The following KNL1 variants were observed in gnomAD, a reference collection of about 807,000 sequenced individuals.
KNL1 encodes the protein outer kinetochore KNL1 complex subunit KNL1.
A neutral mutation model predicts 201.3 loss-of-function variants in KNL1; 66 were observed. That is an observed-to-expected ratio of 0.33 (90% CI 0.27 to 0.40). The LOEUF (loss-of-function observed/expected upper bound fraction) is 0.40, where lower values mean the gene tolerates loss of function less well. Ranked by LOEUF, KNL1 falls within the 10% of genes least tolerant of loss-of-function variation. The probability of loss-of-function intolerance (pLI) is 1.00; values close to 1 mark genes in which losing one functional copy is unlikely to be tolerated. For synonymous variants in KNL1, 895 were observed against 899.2 expected (o/e 1.00, Z 0.08); for missense variants, 2,815 against 2,690.5 (o/e 1.05, Z -1.02).
At chr15:40,636,112 A>T (rs1482216814) in intron 13 of KNL1, among the ~76,000 whole-genome samples, 1 of 152,220 alleles carries the variant, frequency 6.6e-6, no homozygotes, top group Non-Finnish European at 1.5e-5. Context: ...TGCTGGGATT[A>T]CAGGCGTGAG....
intron 14 of KNL1, among the ~76,000 whole-genome samples, chr15:40,641,766 A>G (rs912713378): frequency 1.3e-5 from 2 of 152,248 alleles, no homozygotes; most frequent in Admixed American, 6.5e-5. Context: ...GATAAGGGAT[A>G]CTCAATCTAT....
At chr15:40,651,359 C>T (rs1893557377) in intron 19 of KNL1, 112 bp from the exon 20 acceptor site, 1 of 477,982 alleles carries the variant, frequency 2.1e-6, no homozygotes, top group African/African-American at 2.0e-5. Flanking sequence ...AACATTATTA[C>T]CTCAATGGGG....
chr15:40,635,798 A>G (rs569925820), intron 13 of KNL1, among the ~76,000 whole-genome samples: 3 of 152,184 alleles, frequency 2.0e-5, no homozygotes, highest in Non-Finnish European at 4.4e-5. Flanking sequence ...GACCCCCTGC[A>G]TGCTCATGTA....
At position 40,646,714 on chromosome 15, in the gene KNL1, A is replaced by T. The variant is rs142385704; in HGVS notation, c.6007-273A>T. On this transcript the variant is annotated intron_variant, in intron 16 of 25. Transcript: ENST00000399668. ...CTACTAAAAATACAAAAAATTAGCCAGGCATGGTGGCAGGCACCTGTAGTC... is the reference window on the plus strand; with the variant it reads ...CTACTAAAAATACAAAAAATTAGCCTGGCATGGTGGCAGGCACCTGTAGTC... The T allele has an allele frequency of 7.5e-3, 1,478 of 196,776 alleles. 17 individuals carry two copies. Among genetic ancestry groups the T allele is most frequent in the African/African-American group, 0.033 (1,390 of 42,312 alleles). 12.2% of individuals were successfully genotyped at this position (196,776 alleles called of 1,614,324 possible). A position where few individuals can be genotyped will look rare whatever the true frequency, so the allele number is the denominator to read the frequency against.
chr15:40,625,435 A>G lies in KNL1; in HGVS notation c.5171A>G (p.Asn1724Ser), dbSNP rs377723617. Residue 1724 changes from asparagine to serine, a missense_variant, in exon 10 of 26, where the codon AAT (asparagine) becomes AGT (serine). Coordinates refer to ENST00000399668, the MANE Select transcript of KNL1 (RefSeq NM_144508.5). ...CTTCCTGTATATCCTGATGAGATCA[A>G]TTCTTCAGACTCTATTAACATAGAA... ...ENLPVYPDEI[N>S]SSDSINIETE... The G allele has an allele frequency of 2.5e-6, 4 of 1,613,972 alleles. No homozygotes were observed. The highest frequency in any genetic ancestry group is 1.3e-5 in the African/African-American group (1 of 75,044).
intron 7 of KNL1, among the ~76,000 whole-genome samples, chr15:40,613,400 C>T (rs1040019483): frequency 1.3e-5 from 2 of 151,994 alleles, no homozygotes; most frequent in East Asian, 1.9e-4. Flanking sequence ...TACATGTTGG[C>T]TTTGTGGTTT....
chr15:40,637,855 C>T (rs1359991230), intron 13 of KNL1, among the ~76,000 whole-genome samples: 2 of 151,228 alleles, frequency 1.3e-5, no homozygotes, highest in Non-Finnish European at 2.9e-5. Context: ...TATGTATATG[C>T]AAATATTCCA....
chr15:40,646,763 A>C (rs929944689), intron 16 of KNL1: 2 of 282,530 alleles, frequency 7.1e-6, no homozygotes, highest in Non-Finnish European at 1.3e-5. Flanking sequence ...AGGCTGAGGC[A>C]GGAGAATGGC....
chr15:40,595,280 C>T (rs560349739), intron 1 of KNL1, among the ~76,000 whole-genome samples: 12 of 152,220 alleles, frequency 7.9e-5, no homozygotes, highest in Admixed American at 7.9e-4. Context: ...ACACAAATAA[C>T]TAGAATACAA....
In KNL1 at chr15:40,619,025, CA is replaced by C. The variant is rs1474319436; in HGVS notation, c.375+17del. The C allele has an allele frequency of 1.3e-6, 2 of 1,502,372 alleles. No individual in the cohort carries two copies. The highest frequency in any genetic ancestry group is 1.9e-6 in the Non-Finnish European group (2 of 1,079,966). The allele number at this position is 1,502,372 out of a possible 1,614,324, so 93.1% of individuals were successfully genotyped here. ...CAACAGAAGGAGGTATGAGTTCATG[CA>C]AATACCTTCATATTGTAATGTCATT... On this transcript the variant is annotated intron_variant, in intron 9 of 25. Transcript: ENST00000399668.
At position 40,621,977 on chromosome 15, in the gene KNL1, T is replaced by TACGG; in HGVS notation, c.1714_1715insCGGA (p.Met572ThrfsTer6). On this transcript the variant is annotated frameshift_variant, in exon 10 of 26. Coordinates refer to ENST00000399668, the MANE Select transcript of KNL1 (RefSeq NM_144508.5). LOFTEE classifies it high-confidence loss of function. ...AGACTGAACTCTTATCAGGTGAAAA[T>TACGG]ATGGATTTGACTGAAAGTCACACAA... 1 of 1,614,034 alleles carries TACGG rather than the reference T, an allele frequency of 6.2e-7. No individual in the cohort carries two copies. Among genetic ancestry groups the TACGG allele is most frequent in the African/African-American group, 1.3e-5 (1 of 75,046 alleles).
At position 40,624,030 on chromosome 15, in the gene KNL1, G is replaced by T. The variant is rs767031094; in HGVS notation, c.3766G>T (p.Val1256Phe). Residue 1256 changes from valine to phenylalanine, a missense_variant, in exon 10 of 26, where the codon GTC becomes TTC. By Grantham distance (50) the Val-to-Phe change is conservative (BLOSUM62 -1). This residue lies in a region of KNL1 where 2,464 missense variants were observed against 2,291.7 expected (regional missense o/e 1.08). Coordinates refer to ENST00000399668, the MANE Select transcript of KNL1 (RefSeq NM_144508.5). ...TCATAGTGCTGCTATGGATGAAAAG[G>T]TCATAGGGAAAGTTGTAGACCAGGC... ...KFHSAAMDEK[V>F]IGKVVDQACT... 8 of 1,613,982 alleles carry T rather than the reference G, an allele frequency of 5.0e-6. No individual in the cohort carries two copies. Among genetic ancestry groups the T allele is most frequent in the African/African-American group, 1.3e-5 (1 of 75,036 alleles).
rs762167464 is a variant in KNL1 at position 40,623,381 on chromosome 15, A to G, written c.3117A>G (p.Ser1039=). 1 of 1,614,034 alleles carries G rather than the reference A, an allele frequency of 6.2e-7. No individual in the cohort carries two copies. The highest frequency in any genetic ancestry group is 1.1e-5 in the South Asian group (1 of 91,072). ...EVADNMELSK[S]ATCKNIKDVQ... is the part of the protein sequence containing the mutation. ...CTGATAACATGGAATTGTCTAAATCAGCCACTTGCAAAAACATCAAAGATG... is the reference window on the plus strand; with the variant it reads ...CTGATAACATGGAATTGTCTAAATCGGCCACTTGCAAAAACATCAAAGATG... Residue 1039 remains serine, a synonymous_variant, in exon 10 of 26, where the codon TCA becomes TCG. Transcript: ENST00000399668.
intron 1 of KNL1, among the ~76,000 whole-genome samples, chr15:40,597,333 C>G (rs984599576): frequency 6.6e-6 from 1 of 152,194 alleles, no homozygotes; most frequent in Non-Finnish European, 1.5e-5. Context: ...CAGTTCACTG[C>G]AATCTCTACC....
intron 10 of KNL1, 148 bp downstream of exon 10, chr15:40,625,788 T>C (rs149784516): frequency 3.5e-5 from 21 of 604,440 alleles, no homozygotes; most frequent in African/African-American, 2.8e-4. Flanking sequence ...AATATTCTTA[T>C]GTAGAACCTT....
In KNL1 at chr15:40,624,279, C is replaced by T. The variant is rs1892659023; in HGVS notation, c.4015C>T (p.Leu1339Phe). 6.2e-7 allele frequency: 1 copy of T among 1,614,054 alleles called. No homozygotes were observed. Among genetic ancestry groups the T allele is most frequent in the Admixed American group, 1.7e-5 (1 of 60,024 alleles). ...CAATTATTGCCCAGTGCAAAATGAT[C>T]TTGCTTATGCAAATGATTTTGCCAG... ...KANYCPVQND[L>F]AYANDFASEY... The change falls in exon 10 of 26, where the codon CTT becomes TTT. Residue 1339 changes from leucine (L) to phenylalanine (F), a missense_variant. Leu to Phe is a conservative substitution (Grantham distance 22). Around this residue, in one of 3 missense-constraint regions of KNL1, gnomAD observed 2,464 missense variants for 2,291.7 expected, o/e 1.08. Coordinates refer to ENST00000399668, the MANE Select transcript of KNL1 (RefSeq NM_144508.5).
At chr15:40,637,122 CT>C (rs1485767045) in intron 13 of KNL1, among the ~76,000 whole-genome samples, 5 of 150,420 alleles carry the variant, frequency 3.3e-5, no homozygotes, top group African/African-American at 1.2e-4. Context: ...AAATCTCTCT[CT>C]AGTCTTATAA....
intron 22 of KNL1, among the ~76,000 whole-genome samples, chr15:40,655,766 A>G (rs1477438751): frequency 6.6e-6 from 1 of 151,664 alleles, no homozygotes; most frequent in East Asian, 2.0e-4. Flanking sequence ...ATACAAAAAA[A>G]TTAGCCGGGC....
intron 8 of KNL1, among the ~76,000 whole-genome samples, chr15:40,618,049 G>A (rs913935537): frequency 7.8e-5 from 10 of 128,292 alleles, no homozygotes; most frequent in African/African-American, 2.7e-4. Flanking sequence ...ACTCAAGCTC[G>A]TCATACATTC....
Sources: allele counts gnomAD v4.1 joint callset (sites outside exome capture counted in the v4.1 genomes callset), GRCh38; gene constraint gnomAD v4.1.1; regional missense constraint gnomAD v4.1.1; transcripts MANE v1.5; gene names NCBI Gene and HGNC (gene_info 2026-07-23, HGNC 2026-07-21).